Variants in ARHGAP24 observed in about 807,000 individuals in gnomAD.
ARHGAP24 encodes the protein rho GTPase-activating protein 24.
ARHGAP24 carries 50 observed loss-of-function variants against 76.4 expected under a neutral mutation model. The ratio of observed to expected loss-of-function variants is 0.65; its 90% CI spans 0.52 to 0.83. The LOEUF (loss-of-function observed/expected upper bound fraction) is 0.83, where lower values mean the gene tolerates loss of function less well. Ranked by LOEUF, ARHGAP24 falls within the 40% of genes least tolerant of loss-of-function variation. The pLI, the probability that ARHGAP24 is intolerant of heterozygous loss-of-function variation, is 0.00. For synonymous variants in ARHGAP24, 345 were observed against 323.3 expected (o/e 1.07, Z -0.72); for missense variants, 930 against 914.2 (o/e 1.02, Z -0.22).
At chr4:85,855,522 C>T (rs1331551357) in intron 3 of ARHGAP24, among the ~76,000 whole-genome samples, 1 of 151,954 alleles carries the variant, frequency 6.6e-6, no homozygotes, top group Non-Finnish European at 1.5e-5. Context: ...GCCTGACCAA[C>T]ATGGTGAAAC....
chr4:85,640,314 CT>C (rs60882323), intron 2 of ARHGAP24, among the ~76,000 whole-genome samples: 7,964 of 152,160 alleles, frequency 0.052, 672 homozygotes, highest in African/African-American at 0.18. Flanking sequence ...ATAATAAAGA[CT>C]TTCACCCACC....
At chr4:85,620,323 C>A (rs952171606) in intron 2 of ARHGAP24, among the ~76,000 whole-genome samples, 8 of 151,850 alleles carry the variant, frequency 5.3e-5, no homozygotes, top group Non-Finnish European at 8.8e-5. Flanking sequence ...CTGATTAAAT[C>A]TCTTTACTCA....
chr4:85,770,196 A>T (rs1048460091), intron 3 of ARHGAP24, among the ~76,000 whole-genome samples: 8 of 152,172 alleles, frequency 5.3e-5, no homozygotes, highest in Non-Finnish European at 1.0e-4. Context: ...TACCTTGTAA[A>T]TGTGGATTCA....
intron 1 of ARHGAP24, among the ~76,000 whole-genome samples, chr4:85,520,460 C>T (rs1724695182): frequency 6.6e-6 from 1 of 152,122 alleles, no homozygotes; most frequent in Non-Finnish European, 1.5e-5. Context: ...CTAAGATTGC[C>T]AGTCCTGTTG....
intron 2 of ARHGAP24, among the ~76,000 whole-genome samples, chr4:85,661,809 T>C (rs902731322): frequency 2.6e-5 from 4 of 152,130 alleles, no homozygotes; most frequent in Non-Finnish European, 5.9e-5. Context: ...AGAATGATGA[T>C]TTCCAATTTC....
intron 2 of ARHGAP24, among the ~76,000 whole-genome samples, chr4:85,663,549 C>A (rs1257851423): frequency 1.3e-5 from 2 of 148,532 alleles, no homozygotes; most frequent in Admixed American, 1.3e-4. Context: ...GAACTTCCAA[C>A]ACTATGTTGA....
intron 3 of ARHGAP24, among the ~76,000 whole-genome samples, chr4:85,829,710 G>C (rs1466370791): frequency 6.6e-6 from 1 of 152,212 alleles, no homozygotes; most frequent in Non-Finnish European, 1.5e-5. Context: ...TGACTGAAAA[G>C]ATGTACAGGA....
At chr4:85,590,892 T>C (rs954754214) in intron 2 of ARHGAP24, among the ~76,000 whole-genome samples, 1 of 152,082 alleles carries the variant, frequency 6.6e-6, no homozygotes, top group Non-Finnish European at 1.5e-5. Flanking sequence ...TTTAAAAATA[T>C]GTACAGGAAA....
intron 2 of ARHGAP24, among the ~76,000 whole-genome samples, chr4:85,700,906 C>A (rs1724061264): frequency 6.6e-6 from 1 of 152,094 alleles, no homozygotes; most frequent in Non-Finnish European, 1.5e-5. Context: ...AATAAAATAT[C>A]TCTCTTTGTT....
chr4:85,582,948 G>A (rs1560541115), intron 2 of ARHGAP24, among the ~76,000 whole-genome samples: 2 of 152,206 alleles, frequency 1.3e-5, no homozygotes, highest in South Asian at 2.1e-4. Context: ...TTTCTGACCT[G>A]TTGTTTCCTT....
At chr4:85,908,589 C>G (rs1578374146) in intron 3 of ARHGAP24, among the ~76,000 whole-genome samples, 1 of 152,136 alleles carries the variant, frequency 6.6e-6, no homozygotes, top group Admixed American at 6.5e-5. Flanking sequence ...AGATGACACA[C>G]TCAACAAAGG....
chr4:85,826,848 G>A (rs1311998611), intron 3 of ARHGAP24, among the ~76,000 whole-genome samples: 1 of 152,176 alleles, frequency 6.6e-6, no homozygotes, highest in Non-Finnish European at 1.5e-5. Flanking sequence ...TAAAGGGTGA[G>A]AATAATTTCT....
chr4:85,972,324 C>A, intron 6 of ARHGAP24, 156 bp downstream of exon 6: 1 of 907,016 alleles, frequency 1.1e-6, no homozygotes, highest in Non-Finnish European at 1.7e-6. Flanking sequence ...CCGTATACAG[C>A]TCAAGCACCA....
chr4:85,977,133 T>C (rs1280596345), intron 7 of ARHGAP24, among the ~76,000 whole-genome samples: 3 of 152,098 alleles, frequency 2.0e-5, no homozygotes, highest in Non-Finnish European at 4.4e-5. Context: ...ATTTTGAAGC[T>C]CACAAATTAC....
At chr4:85,526,841 T>C (rs905566513) in intron 1 of ARHGAP24, among the ~76,000 whole-genome samples, 7 of 152,176 alleles carry the variant, frequency 4.6e-5, no homozygotes, top group African/African-American at 1.7e-4. Context: ...GAAATAGCGT[T>C]CAGCTTTTTA....
intron 4 of ARHGAP24, among the ~76,000 whole-genome samples, chr4:85,924,205 G>A (rs2148812337): frequency 6.6e-6 from 1 of 152,262 alleles, no homozygotes; most frequent in East Asian, 1.9e-4. Context: ...ATAATAATCT[G>A]ATGATTATTG....
At chr4:85,957,695 T>A (rs1737999011) in intron 5 of ARHGAP24, among the ~76,000 whole-genome samples, 1 of 152,206 alleles carries the variant, frequency 6.6e-6, no homozygotes, top group South Asian at 2.1e-4. Flanking sequence ...TGGCTTCTTC[T>A]CTAATTTGAA....
chr4:85,487,274 T>A (rs1247259622), intron 1 of ARHGAP24, among the ~76,000 whole-genome samples: 1 of 122,670 alleles, frequency 8.2e-6, no homozygotes, highest in African/African-American at 3.4e-5. Context: ...TAAATATATA[T>A]TTATTTTATA....
At chr4:85,776,331 C>G (rs1727308142) in intron 3 of ARHGAP24, among the ~76,000 whole-genome samples, 1 of 152,102 alleles carries the variant, frequency 6.6e-6, no homozygotes, top group Admixed American at 6.6e-5. Flanking sequence ...CACCACAGGG[C>G]AAATCTTCAA....
Sources: gnomAD v4.1 joint callset for allele counts (sites outside exome capture counted in the v4.1 genomes callset) on GRCh38, gnomAD v4.1.1 for gene constraint, MANE v1.5 for transcripts, NCBI Gene and HGNC (gene_info 2026-07-23, HGNC 2026-07-21) for gene names.